The following METTL14 variants were observed in gnomAD, a reference collection of about 807,000 sequenced individuals.
The protein encoded by METTL14 is methyltransferase 14, N6-adenosine-methyltransferase non-catalytic subunit.
In METTL14, 32 loss-of-function variants were observed where a neutral mutation model predicts 62.4. That is an observed-to-expected ratio of 0.51 (90% confidence interval 0.39 to 0.69). The LOEUF is 0.69. Ranked by LOEUF, METTL14 falls within the 30% of genes least tolerant of loss-of-function variation. The probability of loss-of-function intolerance (pLI) is 0.00; values close to 1 mark genes in which losing one functional copy is unlikely to be tolerated. For synonymous variants in METTL14, 150 were observed against 180.0 expected (o/e 0.83, Z 1.34); for missense variants, 340 against 551.9 (o/e 0.62, Z 3.85).
chr4:118,697,845 A>G (rs902166175), intron 7 of METTL14, among the ~76,000 whole-genome samples: 3 of 152,238 alleles, frequency 2.0e-5, no homozygotes, highest in Admixed American at 6.5e-5. Context: ...GATGGGACAT[A>G]GGAACATAGA....
chr4:118,691,040 A>G (rs982410435), intron 3 of METTL14, among the ~76,000 whole-genome samples: 2 of 152,304 alleles, frequency 1.3e-5, no homozygotes, highest in South Asian at 2.1e-4. Context: ...GTGAAATAAT[A>G]CCTAATCTCG....
intron 10 of METTL14, among the ~76,000 whole-genome samples, chr4:118,708,472 A>G (rs1012153851): frequency 5.9e-5 from 9 of 152,224 alleles, no homozygotes; most frequent in Non-Finnish European, 1.5e-5. Context: ...GAGAGCCCAT[A>G]GGTGTGGAAT....
intron 7 of METTL14, among the ~76,000 whole-genome samples, chr4:118,697,854 G>A (rs1193938664): frequency 6.6e-6 from 1 of 152,018 alleles, no homozygotes; most frequent in Non-Finnish European, 1.5e-5. Flanking sequence ...TAGGAACATA[G>A]AGGAGGTGAC....
intron 9 of METTL14, 50 bp downstream of exon 9, chr4:118,704,101 A>C (rs774193742): frequency 8.7e-7 from 1 of 1,143,440 alleles, no homozygotes; most frequent in South Asian, 1.4e-5. Context: ...TTTTCTCTCA[A>C]GCTTTTCCAA....
Position 118,689,655 on chromosome 4 carries a change from T to C in METTL14, c.243+198T>C, listed in dbSNP as rs1724184353. On this transcript the variant is annotated intron_variant, in intron 3 of 10. Coordinates refer to ENST00000388822, the MANE Select transcript of METTL14 (RefSeq NM_020961.4). ...TCTTTTTCTTTTCTTTTCCTTTTTT[T>C]TTTTTTGTGACGGAGTCTCGCTCTG... Among the ~76,000 whole-genome samples, 3 of 151,688 alleles carry C rather than the reference T, an allele frequency of 2.0e-5. 1 individual carries two copies. Among genetic ancestry groups the C allele is most frequent in the Admixed American group, 2.0e-4 (3 of 15,236 alleles).
Position 118,705,955 on chromosome 4 carries a change from T to G in METTL14, c.1066+134T>G, listed in dbSNP as rs922481733. The G allele has an allele frequency of 1.6e-5, 12 of 737,816 alleles. 1 individual carries two copies. The East Asian group carries it at 3.2e-4, about 20-fold the overall frequency. The allele number at this position is 737,816 out of a possible 1,614,324, so 45.7% of individuals were successfully genotyped here. A position where few individuals can be genotyped will look rare whatever the true frequency, so the allele number is the denominator to read the frequency against. On this transcript the variant is annotated intron_variant, in intron 10 of 10. Coordinates refer to ENST00000388822, the MANE Select transcript of METTL14 (RefSeq NM_020961.4). ...TTGCTGTACTTCAAATATGAACAGT[T>G]TCAGGTCCACAGCAAAATTGAGAGG...
rs1296297693 is a variant in METTL14, at chr4:118,710,476, G to GT, written c.*181dup. On this transcript the variant is annotated 3_prime_UTR_variant, in exon 11 of 11. Transcript: ENST00000388822. ...TTGCAGTTGTCACACACACTGTCTG[G>GT]TTTTTTTCAGGATAAATGAATGATT... is the stretch of plus-strand genomic sequence containing the variant. The GT allele has an allele frequency of 1.5e-5, 9 of 607,098 alleles. No individual in the cohort carries two copies. The highest frequency in any genetic ancestry group is 9.7e-5 in the Admixed American group (3 of 30,984). The allele number at this position is 607,098 out of a possible 1,614,324, so 37.6% of individuals were successfully genotyped here.
Position 118,705,605 on chromosome 4 carries a change from A to G in METTL14, c.856-6A>G. On this transcript the variant is annotated splice_polypyrimidine_tract_variant and splice_region_variant and intron_variant, in intron 9 of 10. Transcript: ENST00000388822. ...ACAGATTAATTGGTCTGCTCTTGTT[A>G]TTTAGGAACACTGCCTCATGGGGAT... The G allele has an allele frequency of 6.2e-7, 1 of 1,612,658 alleles. No individual in the cohort carries two copies. The highest frequency in any genetic ancestry group is 8.5e-7 in the Non-Finnish European group (1 of 1,178,816).
At chr4:118,699,048 CA>C (rs952827277) in intron 7 of METTL14, among the ~76,000 whole-genome samples, 1 of 152,004 alleles carries the variant, frequency 6.6e-6, no homozygotes, top group African/African-American at 2.4e-5. Context: ...TAATGGAAAC[CA>C]AGGGAACAGT....
chr4:118,714,212 TA>T lies in METTL14; in HGVS notation c.*3911del, dbSNP rs1204537937. The stretch of plus-strand genomic sequence containing the variant: ...TGTTTGCATATTAACGACATGGAAA[TA>T]TTTTCACTCATTTACTTTCATCCAT... On this transcript the variant is annotated 3_prime_UTR_variant, in exon 11 of 11. Coordinates refer to ENST00000388822, the MANE Select transcript of METTL14 (RefSeq NM_020961.4). The T allele has an allele frequency of 6.6e-6, 1 of 152,246 alleles. No individual in the cohort carries two copies. The highest frequency in any genetic ancestry group is 1.5e-5 in the Non-Finnish European group (1 of 68,044). The allele number at this position is 152,246 out of a possible 1,614,324, so 9.4% of individuals were successfully genotyped here.
chr4:118,685,575 T>TA lies in METTL14; in HGVS notation c.42dup (p.Arg15ThrfsTer12). The TA allele has an allele frequency of 2.5e-6, 4 of 1,614,164 alleles. No individual in the cohort carries two copies. Among genetic ancestry groups the TA allele is most frequent in the Non-Finnish European group, 3.4e-6 (4 of 1,180,018 alleles). ...CAGGAGATCCGGGAGCGGCAGAAGTTACGGCGACAGCTCCTCGCGCAGCAG... is the reference window on the plus strand; with the variant it reads ...CAGGAGATCCGGGAGCGGCAGAAGTTAACGGCGACAGCTCCTCGCGCAGCAG... On this transcript the variant is annotated frameshift_variant, in exon 1 of 11. Transcript: ENST00000388822. LOFTEE classifies it high-confidence loss of function.
chr4:118,686,241 C>T lies in METTL14; in HGVS notation c.66+641C>T, dbSNP rs1474328613. Among the ~76,000 whole-genome samples, 4 of 152,212 alleles carry T rather than the reference C, an allele frequency of 2.6e-5. No homozygotes were observed. The East Asian group carries it at 7.7e-4, about 29-fold the overall frequency. On this transcript the variant is annotated intron_variant, in intron 1 of 10. Transcript: ENST00000388822. ...TTACTCCTGGTCGCTCACTTCTCTG[C>T]TGGGAAATAGAACCTAGGTTTGTCT...
chr4:118,694,390 A>G (rs1165830086), intron 5 of METTL14, 46 bp from the exon 6 acceptor site: 2 of 1,486,812 alleles, frequency 1.3e-6, no homozygotes, highest in South Asian at 1.2e-5. Context: ...TACTGATATT[A>G]ACTTCAGTTG....
rs1724919341 is a variant in METTL14, at chr4:118,711,442, C to T, written c.*1140C>T. On this transcript the variant is annotated 3_prime_UTR_variant, in exon 11 of 11. Coordinates refer to ENST00000388822, the MANE Select transcript of METTL14 (RefSeq NM_020961.4). ...ATGATTTTTCTAATGAAACTTTAAA[C>T]TTTTGAGATTTGAGAGTCTGTTTTC... 1 of 152,028 alleles carries T rather than the reference C, an allele frequency of 6.6e-6. No homozygotes were observed. Among genetic ancestry groups the T allele is most frequent in the Non-Finnish European group, 1.5e-5 (1 of 68,006 alleles). 9.4% of individuals were successfully genotyped at this position (152,028 alleles called of 1,614,324 possible).
chr4:118,700,526 C>A, intron 7 of METTL14, 24 bp from the exon 8 acceptor site: 1 of 1,554,352 alleles, frequency 6.4e-7, no homozygotes, highest in Non-Finnish European at 8.9e-7. Flanking sequence ...TACTTTTATG[C>A]AATATCGTTT....
At chr4:118,704,545 T>G (rs1460602432) in intron 9 of METTL14, among the ~76,000 whole-genome samples, 2 of 152,162 alleles carry the variant, frequency 1.3e-5, no homozygotes, top group Non-Finnish European at 2.9e-5. Flanking sequence ...TCTTTCTTAT[T>G]AAGTCTTTTT....
intron 1 of METTL14, among the ~76,000 whole-genome samples, chr4:118,687,437 A>G (rs942062414): frequency 6.6e-6 from 1 of 152,170 alleles, no homozygotes; most frequent in East Asian, 1.9e-4. Flanking sequence ...CTTATTTTCA[A>G]ATACAGATGG....
chr4:118,689,054 C>T (rs968170681), intron 2 of METTL14, among the ~76,000 whole-genome samples: 2 of 152,084 alleles, frequency 1.3e-5, no homozygotes, highest in Non-Finnish European at 1.5e-5. Flanking sequence ...AAAATTTTTT[C>T]GCTATTCTAG....
intron 8 of METTL14, 147 bp from the exon 9 acceptor site, chr4:118,703,788 A>G: frequency 1.8e-6 from 1 of 540,934 alleles, no homozygotes; most frequent in African/African-American, 2.0e-5. Flanking sequence ...TTCTTTTTAT[A>G]TTCTACACTG....
Sources: allele counts gnomAD v4.1 joint callset (sites outside exome capture counted in the v4.1 genomes callset), GRCh38; gene constraint gnomAD v4.1.1; transcripts MANE v1.5; gene names NCBI Gene and HGNC (gene_info 2026-07-23, HGNC 2026-07-21).